The following ADGRL3 variants were observed in gnomAD, a reference collection of about 807,000 sequenced individuals.
ADGRL3 encodes the protein adhesion G protein-coupled receptor L3.
Under a neutral mutation model 153.5 loss-of-function variants are expected in ADGRL3, and 62 were observed. The ratio of observed to expected loss-of-function variants is 0.40; its 90% CI spans 0.33 to 0.50. The LOEUF is 0.50. Among genes scored for constraint, ADGRL3 ranks in the 20% least tolerant of loss-of-function variants. ADGRL3 has a pLI of 0.47. For missense variants in ADGRL3, 1,641 were observed against 1,859.4 expected (o/e 0.88, Z 2.16); for synonymous variants, 710 against 672.5 (o/e 1.06, Z -0.86).
intron 1 of ADGRL3, among the ~76,000 whole-genome samples, chr4:61,251,175 G>C (rs1759095991): frequency 6.6e-6 from 1 of 152,176 alleles, no homozygotes; most frequent in South Asian, 2.1e-4. Context: ...CTTCAGTGGG[G>C]AAGATTCCAA....
Position 61,273,264 on chromosome 4 carries a change from G to A in ADGRL3, c.-240+71499G>A, listed in dbSNP as rs538436114. 1.2e-4 allele frequency among the ~76,000 whole-genome samples: 19 copies of A among 152,188 alleles called. No individual in the cohort carries two copies. The East Asian group carries it at 2.7e-3, about 22-fold the overall frequency. On this transcript the variant is annotated intron_variant, in intron 1 of 26. Coordinates refer to ENST00000683033, the MANE Select transcript of ADGRL3 (RefSeq NM_001387552.1). ...GTTTAAATAAGACCACTGTCATCAC[G>A]CTGGAGCTCTGTTTTCCCTAAGTAC...
Position 61,985,881 on chromosome 4 carries a change from A to C in ADGRL3, c.3236+2278A>C, listed in dbSNP as rs577043690. ...TGTGATTTTTCTGTTGATTCCAGTG[A>C]CATCTGTGAAACAGACTAGGATTAG... is the stretch of plus-strand genomic sequence containing the variant. On this transcript the variant is annotated intron_variant, in intron 19 of 26. Coordinates refer to ENST00000683033, the MANE Select transcript of ADGRL3 (RefSeq NM_001387552.1). 1.0e-4 allele frequency among the ~76,000 whole-genome samples: 15 copies of C among 148,798 alleles called. 1 individual carries two copies. In the South Asian group the frequency reaches 3.2e-3, roughly 32 times the overall value.
Position 61,755,926 on chromosome 4 carries a change from T to C in ADGRL3, c.1399+22372T>C, listed in dbSNP as rs910415540. Reference sequence around the variant, plus strand: ...GTCAGGTTTGTCAGAGATCAGATGGTTGTAGATATGCGGCATTATATCTGA... The same window carrying C: ...GTCAGGTTTGTCAGAGATCAGATGGCTGTAGATATGCGGCATTATATCTGA... On this transcript the variant is annotated intron_variant, in intron 8 of 26. Transcript: ENST00000683033. Among the ~76,000 whole-genome samples, 10 of 152,168 alleles carry C rather than the reference T, an allele frequency of 6.6e-5. 1 individual carries two copies. Among genetic ancestry groups the C allele is most frequent in the Admixed American group, 2.6e-4 (4 of 15,272 alleles).
At chr4:61,801,269 G>T (rs1484548486) in intron 8 of ADGRL3, among the ~76,000 whole-genome samples, 1 of 151,942 alleles carries the variant, frequency 6.6e-6, no homozygotes, top group Non-Finnish European at 1.5e-5. Context: ...GTAGGTATAT[G>T]TGATTTTTTT....
intron 21 of ADGRL3, among the ~76,000 whole-genome samples, chr4:62,001,668 T>G (rs1420631242): frequency 1.3e-5 from 2 of 152,150 alleles, no homozygotes; most frequent in Non-Finnish European, 2.9e-5. Flanking sequence ...ATCTGGCATG[T>G]TTTTAAACAA....
intron 1 of ADGRL3, among the ~76,000 whole-genome samples, chr4:61,321,206 G>T (rs956780535): frequency 6.6e-6 from 1 of 152,076 alleles, no homozygotes; most frequent in African/African-American, 2.4e-5. Flanking sequence ...GGGCATCTTT[G>T]GTGGGCCATT....
intron 3 of ADGRL3, among the ~76,000 whole-genome samples, chr4:61,499,012 T>G (rs925651934): frequency 6.6e-6 from 1 of 152,202 alleles, no homozygotes; most frequent in Non-Finnish European, 1.5e-5. Context: ...TCTCAGAATA[T>G]TATAGTGTAG....
intron 17 of ADGRL3, among the ~76,000 whole-genome samples, chr4:61,966,591 T>TGTGC (rs1173290800): frequency 2.0e-5 from 3 of 151,906 alleles, no homozygotes; most frequent in Non-Finnish European, 2.9e-5. Flanking sequence ...TGTGTGTGTG[T>TGTGC]GTGTGTGTGT....
intron 8 of ADGRL3, among the ~76,000 whole-genome samples, chr4:61,810,003 G>C (rs917995474): frequency 2.0e-5 from 3 of 151,984 alleles, no homozygotes; most frequent in African/African-American, 7.3e-5. Context: ...TAAATAGTTG[G>C]GTTATATGAC....
intron 21 of ADGRL3, among the ~76,000 whole-genome samples, chr4:62,008,938 T>C (rs143306496): frequency 2.7e-3 from 413 of 152,234 alleles, no homozygotes; most frequent in Non-Finnish European, 4.5e-3. Flanking sequence ...ACAAATACTT[T>C]TGTGTTACAG....
At chr4:61,726,199 C>CTTTTTTTTTTTTT (rs1012113549) in intron 6 of ADGRL3, among the ~76,000 whole-genome samples, 2 of 82,938 alleles carry the variant, frequency 2.4e-5, no homozygotes, top group African/African-American at 4.5e-5. Flanking sequence ...CTCACTGGAA[C>CTTTTTTTTTTTTT]TTTTTTTTTT....
intron 1 of ADGRL3, among the ~76,000 whole-genome samples, chr4:61,333,988 T>A (rs560607517): frequency 7.3e-5 from 11 of 151,574 alleles, no homozygotes; most frequent in African/African-American, 2.4e-4. Context: ...TGATCTTGAC[T>A]CACTGCAATC....
At chr4:61,291,701 A>G (rs1288330475) in intron 1 of ADGRL3, among the ~76,000 whole-genome samples, 2 of 149,962 alleles carry the variant, frequency 1.3e-5, no homozygotes, top group Non-Finnish European at 3.0e-5. Context: ...TTAATACAGA[A>G]GCTGAACAAT....
chr4:61,315,902 A>G (rs529721965), intron 1 of ADGRL3, among the ~76,000 whole-genome samples: 3 of 152,308 alleles, frequency 2.0e-5, no homozygotes, highest in South Asian at 4.1e-4. Flanking sequence ...GTAAAAATAC[A>G]GTTCAGAAGT....
chr4:61,397,356 G>A (rs1479024334), intron 2 of ADGRL3, among the ~76,000 whole-genome samples: 2 of 151,938 alleles, frequency 1.3e-5, no homozygotes, highest in Non-Finnish European at 1.5e-5. Context: ...CTGAAGCTGA[G>A]TCACGCTCCA....
intron 2 of ADGRL3, among the ~76,000 whole-genome samples, chr4:61,484,021 T>C (rs919645008): frequency 1.3e-5 from 2 of 151,964 alleles, no homozygotes; most frequent in Admixed American, 1.3e-4. Context: ...TATTTAAAGA[T>C]ATTAGCCAGA....
intron 6 of ADGRL3, among the ~76,000 whole-genome samples, chr4:61,689,624 A>G (rs983048178): frequency 2.6e-5 from 4 of 152,270 alleles, no homozygotes; most frequent in African/African-American, 7.2e-5. Context: ...TTTCAAAAAT[A>G]TAAAAGATTA....
At position 61,618,770 on chromosome 4, in the gene ADGRL3, G is replaced by A. The variant is rs116691848; in HGVS notation, c.473+31330G>A. On this transcript the variant is annotated intron_variant, in intron 5 of 26. Transcript: ENST00000683033. ...CTCACTCCATCACCCAAGCTGGAGT[G>A]TAATGGCAGGATCATAGCTCACTGG... 8.9e-3 allele frequency among the ~76,000 whole-genome samples: 1,348 copies of A among 152,258 alleles called. 21 individuals are homozygous for A. Among genetic ancestry groups the A allele is most frequent in the African/African-American group, 0.031 (1,283 of 41,546 alleles).
At chr4:61,440,370 T>C (rs2097513981) in intron 2 of ADGRL3, among the ~76,000 whole-genome samples, 1 of 152,180 alleles carries the variant, frequency 6.6e-6, no homozygotes, top group African/African-American at 2.4e-5. Context: ...AATATACAAT[T>C]TGTGGTTCTT....
Sources: gnomAD v4.1 joint callset for allele counts (sites outside exome capture counted in the v4.1 genomes callset) on GRCh38, gnomAD v4.1.1 for gene constraint, MANE v1.5 for transcripts, NCBI Gene and HGNC (gene_info 2026-07-23, HGNC 2026-07-21) for gene names.